The following RASAL2 variants were observed in gnomAD, a reference collection of about 807,000 sequenced individuals.
RASAL2 encodes the protein ras GTPase-activating protein nGAP.
RASAL2 carries 58 observed loss-of-function variants against 128.9 expected under a neutral mutation model. The ratio of observed to expected loss-of-function variants is 0.45; its 90% CI spans 0.36 to 0.56. The LOEUF is 0.56. RASAL2 is among the 20% of genes least tolerant of loss of function. RASAL2 has a pLI of 0.00. For synonymous variants in RASAL2, 561 were observed against 580.8 expected (o/e 0.97, Z 0.49); for missense variants, 1,360 against 1,601.6 (o/e 0.85, Z 2.57).
In RASAL2 at chr1:178,454,538, A is replaced by G; in HGVS notation, c.2101A>G (p.Asn701Asp). ...GAAGCGCTTTCTTTTGGAGATCTCT[A>G]ATCCAGACACCATCTCAAACACCCC... ...GMKRFLLEIS[N>D]PDTISNTPGF... The change falls in exon 12 of 18, where the codon AAT (asparagine) becomes GAT (aspartate). Residue 701 changes from asparagine to aspartate, a missense_variant. Asn to Asp is a conservative substitution (Grantham distance 23). Around this residue, in one of 3 missense-constraint regions of RASAL2, gnomAD observed 741 missense variants for 868.6 expected, o/e 0.85. Transcript: ENST00000367649. 6.2e-7 allele frequency: 1 copy of G among 1,613,784 alleles called. No individual in the cohort carries two copies. The highest frequency in any genetic ancestry group is 8.5e-7 in the Non-Finnish European group (1 of 1,179,710).
intron 1 of RASAL2, among the ~76,000 whole-genome samples, chr1:178,252,434 G>GT (rs1156836271): frequency 6.6e-6 from 1 of 151,972 alleles, no homozygotes; most frequent in Non-Finnish European, 1.5e-5. Flanking sequence ...TTAACATTTT[G>GT]TTTTTTGATG....
At chr1:178,239,930 G>T (rs761072957) in intron 1 of RASAL2, among the ~76,000 whole-genome samples, 8 of 151,974 alleles carry the variant, frequency 5.3e-5, no homozygotes, top group Non-Finnish European at 8.8e-5. Context: ...AAAAACAGAT[G>T]AATGGTATTT....
chr1:178,339,003 A>T (rs1389987809), intron 3 of RASAL2, among the ~76,000 whole-genome samples: 1 of 152,226 alleles, frequency 6.6e-6, no homozygotes. Context: ...TGCTTCATAA[A>T]TGATGGATGG....
At chr1:178,139,172 A>T (rs1660441294) in intron 1 of RASAL2, among the ~76,000 whole-genome samples, 1 of 152,024 alleles carries the variant, frequency 6.6e-6, no homozygotes, top group South Asian at 2.1e-4. Context: ...GTGGATTTTA[A>T]TAAAAATATC....
chr1:178,416,577 C>G (rs1005375502), intron 4 of RASAL2, among the ~76,000 whole-genome samples: 1 of 151,778 alleles, frequency 6.6e-6, no homozygotes, highest in African/African-American at 2.4e-5. Context: ...TAAGAAGGTC[C>G]AATTTGTGAC....
chr1:178,381,292 C>A lies in RASAL2; in HGVS notation c.458-8808C>A, dbSNP rs191099046. Among the ~76,000 whole-genome samples, 623 of 152,116 alleles carry A rather than the reference C, an allele frequency of 4.1e-3. 7 individuals carry two copies. The highest frequency in any genetic ancestry group is 0.014 in the African/African-American group (583 of 41,514). On this transcript the variant is annotated intron_variant, in intron 3 of 17. Coordinates refer to ENST00000367649, the MANE Select transcript of RASAL2 (RefSeq NM_170692.4). ...AGGGAGAGACTGGAGTCAGTAAGAG[C>A]AGTTAGGTGCTTCCTGCCATAATCT...
intron 4 of RASAL2, chr1:178,412,059 G>GT: frequency 9.6e-6 from 3 of 311,662 alleles, no homozygotes; most frequent in Non-Finnish European, 1.8e-5. Context: ...TTGCCATCAT[G>GT]TGAAAAAAAA....
intron 1 of RASAL2, among the ~76,000 whole-genome samples, chr1:178,156,495 G>A (rs546364486): frequency 6.6e-6 from 1 of 152,266 alleles, no homozygotes; most frequent in East Asian, 1.9e-4. Context: ...TAAGTTATGG[G>A]TGAGATTAGG....
intron 3 of RASAL2, among the ~76,000 whole-genome samples, 196 bp downstream of exon 3, chr1:178,300,314 G>T (rs1486829435): frequency 6.6e-6 from 1 of 152,214 alleles, no homozygotes; most frequent in East Asian, 1.9e-4. Flanking sequence ...ATTTTAAAGA[G>T]AAAGACTTTA....
chr1:178,113,373 A>G (rs549380266), intron 1 of RASAL2, among the ~76,000 whole-genome samples: 1 of 151,752 alleles, frequency 6.6e-6, no homozygotes, highest in African/African-American at 2.4e-5. Flanking sequence ...CAGTTGTGTG[A>G]TCATTACTGT....
chr1:178,169,625 G>A lies in RASAL2; in HGVS notation c.202+74931G>A, dbSNP rs181537109. 2.0e-5 allele frequency among the ~76,000 whole-genome samples: 3 copies of A among 152,056 alleles called. No individual in the cohort carries two copies. In the East Asian group the frequency reaches 5.8e-4, roughly 29 times the overall value. ...TTGTGTCACGTTTATTAATTGAAGA[G>A]TACTCTTCACAGTTTTCAAGTTTGT... On this transcript the variant is annotated intron_variant, in intron 1 of 17. Coordinates refer to ENST00000367649, the MANE Select transcript of RASAL2 (RefSeq NM_170692.4).
At chr1:178,251,301 A>G (rs1261764645) in intron 1 of RASAL2, among the ~76,000 whole-genome samples, 1 of 152,220 alleles carries the variant, frequency 6.6e-6, no homozygotes, top group African/African-American at 2.4e-5. Context: ...TCCATTGACA[A>G]TAACTTGCTC....
intron 1 of RASAL2, among the ~76,000 whole-genome samples, chr1:178,173,045 G>A (rs953465991): frequency 6.6e-6 from 1 of 152,110 alleles, no homozygotes; most frequent in Non-Finnish European, 1.5e-5. Context: ...CTATGTGCAT[G>A]TGTGGTTGGA....
At chr1:178,135,593 T>C (rs1392583286) in intron 1 of RASAL2, among the ~76,000 whole-genome samples, 2 of 151,244 alleles carry the variant, frequency 1.3e-5, no homozygotes, top group Non-Finnish European at 3.0e-5. Context: ...TTGATTTACC[T>C]ATTATAGCAA....
At chr1:178,415,365 T>C (rs114452344) in intron 4 of RASAL2, among the ~76,000 whole-genome samples, 4,601 of 152,206 alleles carry the variant, frequency 0.03, 96 homozygotes, top group Middle Eastern at 0.065. Flanking sequence ...TCCCCACATA[T>C]TTTGGGATTT....
chr1:178,144,159 A>T (rs977980154), intron 1 of RASAL2, among the ~76,000 whole-genome samples: 5 of 152,160 alleles, frequency 3.3e-5, no homozygotes, highest in Non-Finnish European at 7.4e-5. Context: ...TGCTGAGCCC[A>T]GTGGACACTT....
At position 178,094,442 on chromosome 1, in the gene RASAL2, G is replaced by T. The variant is rs1298094234; in HGVS notation, c.-51G>T. 3.4e-6 allele frequency: 5 copies of T among 1,471,566 alleles called. No individual in the cohort carries two copies. The highest frequency in any genetic ancestry group is 2.5e-5 in the East Asian group (1 of 39,756). The allele number at this position is 1,471,566 out of a possible 1,614,324, so 91.2% of individuals were successfully genotyped here. ...CCGCAGGCAGGGCGCGGAGCCGCGCGCCAGCCCGCCCCGAAGCCGCCGCCT... is the reference window on the plus strand; with the variant it reads ...CCGCAGGCAGGGCGCGGAGCCGCGCTCCAGCCCGCCCCGAAGCCGCCGCCT... On this transcript the variant is annotated 5_prime_UTR_variant, in exon 1 of 18. Coordinates refer to ENST00000367649, the MANE Select transcript of RASAL2 (RefSeq NM_170692.4).
At chr1:178,153,659 A>G (rs1291929730) in intron 1 of RASAL2, among the ~76,000 whole-genome samples, 2 of 152,168 alleles carry the variant, frequency 1.3e-5, no homozygotes, top group Non-Finnish European at 2.9e-5. Flanking sequence ...CCTGAATAGT[A>G]TTCCATTGTA....
chr1:178,383,302 G>C (rs1672382301), intron 3 of RASAL2, among the ~76,000 whole-genome samples: 1 of 152,110 alleles, frequency 6.6e-6, no homozygotes, highest in East Asian at 1.9e-4. Context: ...GTGGCTCTGG[G>C]GATTTGTATT....
Sources: allele counts gnomAD v4.1 joint callset (sites outside exome capture counted in the v4.1 genomes callset), GRCh38; gene constraint gnomAD v4.1.1; regional missense constraint gnomAD v4.1.1; transcripts MANE v1.5; gene names NCBI Gene and HGNC (gene_info 2026-07-23, HGNC 2026-07-21).